The following CCSER1 variants were observed in gnomAD, a reference collection of about 807,000 sequenced individuals.
CCSER1 encodes coiled-coil serine rich protein 1, also known as serine-rich coiled-coil domain-containing protein 1.
CCSER1 carries 41 observed loss-of-function variants against 82.0 expected under a neutral mutation model. The observed-to-expected ratio is 0.50, with a 90% CI of 0.39 to 0.65. The LOEUF (loss-of-function observed/expected upper bound fraction) is 0.65, where lower values mean the gene tolerates loss of function less well. Among genes scored for constraint, CCSER1 ranks in the 30% least tolerant of loss-of-function variants. The probability of loss-of-function intolerance (pLI) is 0.00; values close to 1 mark genes in which losing one functional copy is unlikely to be tolerated. For synonymous variants in CCSER1, 414 were observed against 383.9 expected (o/e 1.08, Z -0.92); for missense variants, 1,119 against 1,064.2 (o/e 1.05, Z -0.72).
chr4:91,367,985 G>A (rs1446929566), intron 10 of CCSER1, among the ~76,000 whole-genome samples: 1 of 151,984 alleles, frequency 6.6e-6, no homozygotes, highest in Non-Finnish European at 1.5e-5. Flanking sequence ...TTTATTCTTA[G>A]TCTCTGTTAT....
intron 10 of CCSER1, among the ~76,000 whole-genome samples, chr4:91,356,991 T>C (rs1402976960): frequency 2.6e-5 from 4 of 152,072 alleles, no homozygotes; most frequent in African/African-American, 9.7e-5. Flanking sequence ...CAACCTGCCA[T>C]GTGCACAAGC....
At chr4:91,440,401 T>A (rs887272211) in intron 10 of CCSER1, among the ~76,000 whole-genome samples, 1 of 152,196 alleles carries the variant, frequency 6.6e-6, no homozygotes, top group African/African-American at 2.4e-5. Flanking sequence ...GAAATAAAGA[T>A]GTTCTTTGAA....
intron 10 of CCSER1, among the ~76,000 whole-genome samples, chr4:91,594,660 G>T (rs1030831952): frequency 9.9e-5 from 15 of 151,852 alleles, no homozygotes; most frequent in Admixed American, 7.9e-4. Flanking sequence ...TTTAGAATTG[G>T]AAAGCAACTG....
intron 10 of CCSER1, among the ~76,000 whole-genome samples, chr4:91,088,276 G>A (rs1008750235): frequency 1.3e-5 from 2 of 152,020 alleles, no homozygotes; most frequent in African/African-American, 2.4e-5. Context: ...AGGTGTTGAT[G>A]GATGCAATAT....
intron 5 of CCSER1, among the ~76,000 whole-genome samples, chr4:90,599,865 T>A (rs978250896): frequency 1.1e-4 from 16 of 152,208 alleles, no homozygotes; most frequent in African/African-American, 3.9e-4. Flanking sequence ...CCTTTGTAAA[T>A]CTTCTTTCAT....
chr4:91,271,658 T>TACACACATATATATATGATATATATAC lies in CCSER1; in HGVS notation c.2217+185679_2217+185705dup, dbSNP rs1162031139. 1.3e-3 allele frequency among the ~76,000 whole-genome samples: 199 copies of TACACACATATATATATGATATATATAC among 152,152 alleles called. 2 individuals are homozygous for TACACACATATATATATGATATATATAC. Among genetic ancestry groups the TACACACATATATATATGATATATATAC allele is most frequent in the African/African-American group, 4.4e-3 (183 of 41,512 alleles). On this transcript the variant is annotated intron_variant, in intron 10 of 10. Transcript: ENST00000509176. ...CCATCATATATATGATATACATATA[T>TACACACATATATATATGATATATATAC]ACACACATATATATATGATATATAT...
chr4:90,381,128 G>GA (rs1322973899), intron 3 of CCSER1, among the ~76,000 whole-genome samples: 5 of 152,210 alleles, frequency 3.3e-5, no homozygotes, highest in Admixed American at 2.6e-4. Flanking sequence ...GTTCAGTGAG[G>GA]GCAGAGTGGC....
intron 4 of CCSER1, among the ~76,000 whole-genome samples, chr4:90,402,683 T>A (rs959098897): frequency 6.6e-6 from 1 of 152,336 alleles, no homozygotes; most frequent in African/African-American, 2.4e-5. Flanking sequence ...GTCTCAATTA[T>A]GTTTGGTAGT....
At chr4:90,579,543 G>A (rs932133775) in intron 5 of CCSER1, among the ~76,000 whole-genome samples, 3 of 152,080 alleles carry the variant, frequency 2.0e-5, no homozygotes, top group African/African-American at 7.2e-5. Flanking sequence ...ACTTCATGTA[G>A]TATCCATCTG....
chr4:91,232,337 CAG>C (rs888057137), intron 10 of CCSER1, among the ~76,000 whole-genome samples: 20 of 151,906 alleles, frequency 1.3e-4, no homozygotes, highest in Middle Eastern at 3.4e-3. Flanking sequence ...TATCCACTGA[CAG>C]GGGACTTTTT....
chr4:90,699,231 A>G (rs1737557224), intron 6 of CCSER1, among the ~76,000 whole-genome samples: 1 of 152,148 alleles, frequency 6.6e-6, no homozygotes, highest in Non-Finnish European at 1.5e-5. Context: ...CAGGAAGTCG[A>G]GGCAGGTGAG....
intron 5 of CCSER1, among the ~76,000 whole-genome samples, chr4:90,607,796 G>A (rs1784927152): frequency 6.6e-6 from 1 of 152,092 alleles, no homozygotes; most frequent in African/African-American, 2.4e-5. Flanking sequence ...GAGGGTAATG[G>A]ATACTTATAA....
At chr4:91,465,526 G>C (rs947508287) in intron 10 of CCSER1, among the ~76,000 whole-genome samples, 1 of 152,080 alleles carries the variant, frequency 6.6e-6, no homozygotes, top group Non-Finnish European at 1.5e-5. Flanking sequence ...AGGAGATAGA[G>C]ACACAAAAAA....
intron 7 of CCSER1, among the ~76,000 whole-genome samples, chr4:90,791,973 A>G (rs12498622): frequency 0.19 from 29,488 of 152,218 alleles, 3,368 homozygotes; most frequent in East Asian, 0.26. Context: ...TATTTACTTT[A>G]TTGCAGTTGC....
chr4:91,030,751 A>ATTTGC (rs1740907840), intron 9 of CCSER1, among the ~76,000 whole-genome samples: 1 of 151,086 alleles, frequency 6.6e-6, no homozygotes, highest in Admixed American at 6.6e-5. Context: ...AAAAAAAAAG[A>ATTTGC]ACCAAATGGA....
intron 6 of CCSER1, among the ~76,000 whole-genome samples, chr4:90,685,430 A>T (rs547760534): frequency 4.6e-5 from 7 of 152,298 alleles, no homozygotes; most frequent in East Asian, 1.9e-4. Flanking sequence ...TAATTTAAGG[A>T]TGTAATGGAT....
chr4:91,532,257 A>C lies in CCSER1; in HGVS notation c.2218-66315A>C, dbSNP rs151258298. Among the ~76,000 whole-genome samples, 430 of 152,298 alleles carry C rather than the reference A, an allele frequency of 2.8e-3. 3 individuals are homozygous for C. Among genetic ancestry groups the C allele is most frequent in the African/African-American group, 0.01 (420 of 41,546 alleles). ...TGAAGGCTTAAACTATTGTTTTCTG[A>C]CCATCTTTAACAATAAAATTTTAGG... On this transcript the variant is annotated intron_variant, in intron 10 of 10. Transcript: ENST00000509176.
At chr4:91,090,967 T>C (rs1723882853) in intron 10 of CCSER1, among the ~76,000 whole-genome samples, 1 of 152,186 alleles carries the variant, frequency 6.6e-6, no homozygotes, top group Admixed American at 6.6e-5. Flanking sequence ...CTTCCACTCA[T>C]GCAGGAGGGG....
At chr4:90,134,684 G>A (rs1415956212) in intron 1 of CCSER1, among the ~76,000 whole-genome samples, 1 of 152,172 alleles carries the variant, frequency 6.6e-6, no homozygotes, top group East Asian at 1.9e-4. Flanking sequence ...GAAAAGTTGA[G>A]CTTATGCACA....
Sources: allele counts gnomAD v4.1 joint callset (sites outside exome capture counted in the v4.1 genomes callset), GRCh38; gene constraint gnomAD v4.1.1; transcripts MANE v1.5; gene names NCBI Gene and HGNC (gene_info 2026-07-23, HGNC 2026-07-21).